Variants in DSE observed in about 807,000 individuals in gnomAD.
DSE encodes dermatan-sulfate epimerase.
Under a neutral mutation model 84.4 loss-of-function variants are expected in DSE, and 36 were observed. The ratio of observed to expected loss-of-function variants is 0.43; its 90% confidence interval spans 0.33 to 0.56. The LOEUF is 0.56. Among genes scored for constraint, DSE ranks in the 20% least tolerant of loss-of-function variants. The probability of loss-of-function intolerance (pLI) is 0.06; values close to 1 mark genes in which losing one functional copy is unlikely to be tolerated. For synonymous variants in DSE, 410 were observed against 430.1 expected (o/e 0.95, Z 0.58); for missense variants, 862 against 1,169.6 (o/e 0.74, Z 3.84).
intron 2 of DSE, among the ~76,000 whole-genome samples, chr6:116,406,998 G>C (rs1781973194): frequency 6.6e-6 from 1 of 152,130 alleles, no homozygotes; most frequent in African/African-American, 2.4e-5. Context: ...AAACAGTGAG[G>C]GTGGGGAGAA....
upstream of DSE, among the ~76,000 whole-genome samples, chr6:116,370,653 A>G (rs1779477150): frequency 2.0e-5 from 3 of 152,208 alleles, no homozygotes; most frequent in Admixed American, 2.0e-4. Context: ...AGTTAGAGCC[A>G]AAGAGGCCTG....
chr6:116,255,593 C>T (rs1025672794), intron 1 of DSE: 5 of 152,204 alleles, frequency 3.3e-5, no homozygotes, highest in African/African-American at 7.2e-5. Flanking sequence ...AATAAACGCT[C>T]TTTTTTTATT....
chr6:116,300,501 G>A lies in DSE; in HGVS notation c.-54+41534G>A, dbSNP rs558336141. 9.2e-5 allele frequency among the ~76,000 whole-genome samples: 14 copies of A among 152,258 alleles called. No homozygotes were observed. The South Asian group carries it at 2.7e-3, about 29-fold the overall frequency. ...GCTGGGAATTTTTAGAATTCACAGG[G>A]ACTATGCATAATATTTGGTAATGGC... On this transcript the variant is annotated intron_variant, in intron 2 of 3. Coordinates refer to the DSE transcript ENST00000430252.
intron 2 of DSE, among the ~76,000 whole-genome samples, chr6:116,332,077 T>G (rs1414310053): frequency 6.6e-6 from 1 of 152,226 alleles, no homozygotes; most frequent in Non-Finnish European, 1.5e-5. Flanking sequence ...GCAACCTTGT[T>G]AAACTCAATT....
intron 2 of DSE, among the ~76,000 whole-genome samples, chr6:116,344,277 C>T (rs905187328): frequency 1.3e-5 from 2 of 152,084 alleles, no homozygotes; most frequent in Non-Finnish European, 2.9e-5. Flanking sequence ...TCAGGCAATA[C>T]GGAGAATGCC....
At chr6:116,380,123 T>C (rs1308484527) in intron 1 of DSE, among the ~76,000 whole-genome samples, 1 of 152,154 alleles carries the variant, frequency 6.6e-6, no homozygotes, top group African/African-American at 2.4e-5. Flanking sequence ...GAATGAATGT[T>C]TTAATATATA....
chr6:116,273,854 C>T (rs62423797), intron 2 of DSE, among the ~76,000 whole-genome samples: 28,541 of 139,314 alleles, frequency 0.2, 3,077 homozygotes, highest in East Asian at 0.28. Flanking sequence ...TTTTTTGAGA[C>T]GAAGTCTCTC....
chr6:116,362,895 T>C (rs757103596), intron 2 of DSE, among the ~76,000 whole-genome samples: 26 of 152,222 alleles, frequency 1.7e-4, no homozygotes, highest in Admixed American at 3.9e-4. Flanking sequence ...TTCTTCTATT[T>C]ATAGCTAAGG....
At chr6:116,287,233 T>G (rs1773967660) in intron 2 of DSE, among the ~76,000 whole-genome samples, 1 of 152,072 alleles carries the variant, frequency 6.6e-6, no homozygotes, top group Non-Finnish European at 1.5e-5. Flanking sequence ...GAGAGGATAG[T>G]ATTGCTTGGA....
intron 2 of DSE, chr6:116,401,236 A>G (rs1178571675): frequency 6.6e-6 from 1 of 152,020 alleles, no homozygotes; most frequent in Non-Finnish European, 1.5e-5. Flanking sequence ...TTAGGATGAG[A>G]CTCCTTCTAT....
intron 3 of DSE, 46 bp from the exon 4 acceptor site, chr6:116,430,908 T>C: frequency 6.3e-7 from 1 of 1,597,392 alleles, no homozygotes. Context: ...TGTTTATGCT[T>C]TGTCACAGGC....
In DSE at chr6:116,399,411, C is replaced by T. The variant is rs148850466; in HGVS notation, c.161C>T (p.Ala54Val). The part of the protein sequence containing the change: ...PMLYFSRAEV[A>V]ELQLRAASSH... Reference sequence around the variant, plus strand: ...CTGTACTTCTCCAGGGCAGAAGTGGCGGAGCTGCAGCTCAGGGCTGCCAGC... The same window carrying T: ...CTGTACTTCTCCAGGGCAGAAGTGGTGGAGCTGCAGCTCAGGGCTGCCAGC... Residue 54 changes from alanine to valine, a missense_variant, in exon 2 of 6, where the codon GCG becomes GTG. Physicochemically the swap from Ala to Val is moderately conservative, Grantham distance 64 (BLOSUM62 0). Transcript: ENST00000644252. 4.6e-5 allele frequency: 75 copies of T among 1,614,034 alleles called. No individual in the cohort carries two copies. Among genetic ancestry groups the T allele is most frequent in the Middle Eastern group, 1.6e-4 (1 of 6,084 alleles).
At chr6:116,408,349 G>T (rs1224497597) in intron 2 of DSE, among the ~76,000 whole-genome samples, 2 of 152,090 alleles carry the variant, frequency 1.3e-5, no homozygotes, top group Non-Finnish European at 2.9e-5. Flanking sequence ...TCCTCTACTG[G>T]CACATAAGCT....
At chr6:116,321,364 G>C (rs1171558867) in intron 2 of DSE, among the ~76,000 whole-genome samples, 1 of 502 alleles carries the variant, frequency 2.0e-3, no homozygotes, top group Non-Finnish European at 5.1e-3. Context: ...GTAGGGATGG[G>C]GGTCTTGCTA....
At chr6:116,413,738 G>T (rs1782525738) in intron 2 of DSE, among the ~76,000 whole-genome samples, 1 of 152,122 alleles carries the variant, frequency 6.6e-6, no homozygotes, top group African/African-American at 2.4e-5. Context: ...ATTAAAAGCA[G>T]AAATAGTGGG....
chr6:116,341,717 C>T (rs1777608266), intron 2 of DSE, among the ~76,000 whole-genome samples: 2 of 152,186 alleles, frequency 1.3e-5, no homozygotes, highest in Admixed American at 1.3e-4. Flanking sequence ...ATTTGGCTAG[C>T]CAGTTTTCCC....
chr6:116,258,726 G>T (rs774550868), exon 2 of DSE: 1 of 1,605,990 alleles, frequency 6.2e-7, no homozygotes, highest in Admixed American at 1.7e-5. Context: ...CAGTCCCGGC[G>T]CACCCAATGC....
intron 2 of DSE, chr6:116,278,859 G>A: frequency 3.7e-6 from 6 of 1,614,134 alleles, no homozygotes; most frequent in Non-Finnish European, 5.1e-6. Context: ...TTCTTCTAAA[G>A]AAGAACTTGA....
rs143319016 is a variant in DSE, at chr6:116,438,190, A to T, written c.*845A>T. 4 of 152,540 alleles carry T rather than the reference A, an allele frequency of 2.6e-5. No individual in the cohort carries two copies. Among genetic ancestry groups the T allele is most frequent in the Non-Finnish European group, 5.9e-5 (4 of 67,976 alleles). 9.4% of individuals were successfully genotyped at this position (152,540 alleles called of 1,614,324 possible). A position where few individuals can be genotyped will look rare whatever the true frequency, so the allele number is the denominator to read the frequency against. On this transcript the variant is annotated 3_prime_UTR_variant, in exon 6 of 6. Transcript: ENST00000644252. ...TTGATTTTCATACCAAAGAAGATGG[A>T]GAGTCTAAAATTTGGATATGATTCT...
Sources: gnomAD v4.1 joint callset for allele counts (sites outside exome capture counted in the v4.1 genomes callset) on GRCh38, gnomAD v4.1.1 for gene constraint, MANE v1.5 for transcripts, NCBI Gene and HGNC (gene_info 2026-07-23, HGNC 2026-07-21) for gene names.